Variants in DCC observed in about 807,000 individuals in gnomAD.
DCC encodes the protein DCC netrin 1 receptor, also known as netrin receptor DCC.
A neutral mutation model predicts 172.5 loss-of-function variants in DCC; 58 were observed. The observed-to-expected ratio is 0.34, with a 90% CI of 0.27 to 0.42. The LOEUF (loss-of-function observed/expected upper bound fraction) is 0.42. Among genes scored for constraint, DCC ranks in the 10% least tolerant of loss-of-function variants. The pLI is 1.00. For missense variants in DCC, 1,740 were observed against 1,791.0 expected (o/e 0.97, Z 0.51); for synonymous variants, 709 against 644.5 (o/e 1.10, Z -1.52).
intron 1 of DCC, among the ~76,000 whole-genome samples, chr18:52,489,663 G>C (rs2030405560): frequency 1.3e-5 from 2 of 152,152 alleles, no homozygotes; most frequent in South Asian, 2.1e-4. Context: ...TTTGTGTTAA[G>C]TCCCCACATT....
At chr18:53,291,246 A>G (rs1255130012) in intron 12 of DCC, among the ~76,000 whole-genome samples, 2 of 152,164 alleles carry the variant, frequency 1.3e-5, no homozygotes, top group African/African-American at 2.4e-5. Flanking sequence ...TAAGCGTTAT[A>G]CAGCCTATAA....
intron 1 of DCC, among the ~76,000 whole-genome samples, chr18:52,634,533 C>T (rs1008687564): frequency 2.6e-5 from 4 of 151,938 alleles, no homozygotes; most frequent in Non-Finnish European, 4.4e-5. Flanking sequence ...AGCATGTATA[C>T]GAGAAAAATA....
intron 1 of DCC, among the ~76,000 whole-genome samples, chr18:52,522,637 T>C (rs528311307): frequency 6.6e-6 from 1 of 152,190 alleles, no homozygotes; most frequent in Non-Finnish European, 1.5e-5. Flanking sequence ...CACTTTATCA[T>C]TGCATTGTAA....
At chr18:53,522,843 A>C (rs1407508289) in intron 27 of DCC, among the ~76,000 whole-genome samples, 1 of 152,204 alleles carries the variant, frequency 6.6e-6, no homozygotes, top group Non-Finnish European at 1.5e-5. Context: ...ACCATTCAGG[A>C]CATAGGCATG....
chr18:52,807,264 C>A (rs187996348), intron 2 of DCC, among the ~76,000 whole-genome samples: 4 of 152,144 alleles, frequency 2.6e-5, no homozygotes, highest in African/African-American at 4.8e-5. Context: ...TAATACTAGA[C>A]GCACTGCGCC....
intron 2 of DCC, among the ~76,000 whole-genome samples, chr18:52,886,275 T>C (rs1324302776): frequency 6.6e-6 from 1 of 151,728 alleles, no homozygotes; most frequent in African/African-American, 2.4e-5. Context: ...TTGAGTTTAC[T>C]TAGAACCCCA....
At chr18:52,931,037 T>C (rs996278516) in intron 5 of DCC, among the ~76,000 whole-genome samples, 8 of 152,084 alleles carry the variant, frequency 5.3e-5, no homozygotes, top group African/African-American at 1.9e-4. Context: ...GGGATTTTTT[T>C]TGGTAATTGG....
intron 7 of DCC, among the ~76,000 whole-genome samples, chr18:53,098,923 G>T (rs2144209265): frequency 1.3e-5 from 2 of 152,138 alleles, no homozygotes; most frequent in Middle Eastern, 3.4e-3. Flanking sequence ...AGACAGAGAG[G>T]ATTGCTTGAG....
intron 7 of DCC, among the ~76,000 whole-genome samples, chr18:53,125,771 C>G (rs976382834): frequency 1.3e-5 from 2 of 152,140 alleles, no homozygotes; most frequent in African/African-American, 4.8e-5. Context: ...CACACAGACA[C>G]AGTGCTTCTT....
intron 7 of DCC, among the ~76,000 whole-genome samples, chr18:53,082,863 G>A (rs1051280173): frequency 4.0e-5 from 6 of 151,718 alleles, no homozygotes; most frequent in African/African-American, 9.7e-5. Context: ...TATCTCCTAT[G>A]TTCTACCTCC....
intron 1 of DCC, among the ~76,000 whole-genome samples, chr18:52,474,547 A>AG (rs1989041307): frequency 2.0e-5 from 3 of 152,152 alleles, no homozygotes; most frequent in Admixed American, 1.3e-4. Flanking sequence ...CCTGGTGATG[A>AG]AAGCAGAAAC....
chr18:52,976,756 T>C (rs1372721418), intron 5 of DCC, among the ~76,000 whole-genome samples: 1 of 152,226 alleles, frequency 6.6e-6, no homozygotes, highest in Non-Finnish European at 1.5e-5. Context: ...TATCTAACTT[T>C]TAAATATATG....
chr18:53,035,395 G>A (rs1429035271), intron 5 of DCC, among the ~76,000 whole-genome samples: 5 of 152,044 alleles, frequency 3.3e-5, no homozygotes, highest in South Asian at 4.1e-4. Flanking sequence ...AAGTTTTAAG[G>A]TCAAGATTTT....
At chr18:53,290,983 A>C (rs747263644) in intron 12 of DCC, among the ~76,000 whole-genome samples, 2 of 152,112 alleles carry the variant, frequency 1.3e-5, no homozygotes, top group Admixed American at 1.3e-4. Context: ...CCTGGCCAAC[A>C]CGGTGAAACC....
At chr18:52,766,959 G>A (rs8083798) in intron 2 of DCC, among the ~76,000 whole-genome samples, 9,925 of 151,782 alleles carry the variant, frequency 0.065, 1,092 homozygotes, top group African/African-American at 0.23. Flanking sequence ...TAGTATTAAA[G>A]ATTCCCCAGG....
At chr18:53,082,616 C>A (rs897377045) in intron 7 of DCC, among the ~76,000 whole-genome samples, 1 of 152,078 alleles carries the variant, frequency 6.6e-6, no homozygotes, top group African/African-American at 2.4e-5. Context: ...ATAGCAATGA[C>A]ATTATACATT....
chr18:53,502,154 CTCT>C (rs1432115105), intron 27 of DCC, among the ~76,000 whole-genome samples: 2 of 152,132 alleles, frequency 1.3e-5, no homozygotes, highest in Non-Finnish European at 2.9e-5. Flanking sequence ...CTCAAGCCAT[CTCT>C]TCTTTCCTAT....
intron 1 of DCC, among the ~76,000 whole-genome samples, chr18:52,695,214 G>A (rs1410011549): frequency 6.6e-6 from 1 of 152,062 alleles, no homozygotes; most frequent in Non-Finnish European, 1.5e-5. Context: ...TAACCTCCAT[G>A]GGCCTCAATT....
intron 2 of DCC, among the ~76,000 whole-genome samples, chr18:52,866,216 T>C (rs2039226450): frequency 6.6e-6 from 1 of 152,174 alleles, no homozygotes; most frequent in Non-Finnish European, 1.5e-5. Flanking sequence ...TGTGTGGTGT[T>C]ATTTCTGAGG....
Sources: allele counts gnomAD v4.1 joint callset (sites outside exome capture counted in the v4.1 genomes callset), GRCh38; gene constraint gnomAD v4.1.1; transcripts MANE v1.5; gene names NCBI Gene and HGNC (gene_info 2026-07-23, HGNC 2026-07-21).